Variants in SNAP91 observed in about 807,000 individuals in gnomAD.
SNAP91 encodes clathrin coat assembly protein AP180.
A neutral mutation model predicts 100.3 loss-of-function variants in SNAP91; 27 were observed. That is an observed-to-expected ratio of 0.27 (90% CI 0.20 to 0.37). SNAP91 has a LOEUF of 0.37. Ranked by LOEUF, SNAP91 falls within the 10% of genes least tolerant of loss-of-function variation. The probability of loss-of-function intolerance (pLI) is 1.00; values close to 1 mark genes in which losing one functional copy is unlikely to be tolerated. For synonymous variants in SNAP91, 404 were observed against 398.6 expected (o/e 1.01, Z -0.16); for missense variants, 986 against 1,123.7 (o/e 0.88, Z 1.75).
intron 2 of SNAP91, among the ~76,000 whole-genome samples, chr6:83,701,708 A>G (rs1465936330): frequency 2.6e-5 from 4 of 152,190 alleles, no homozygotes; most frequent in African/African-American, 9.6e-5. Context: ...TTGGACTCCC[A>G]AAGTGCTGGG....
chr6:83,589,959 A>G (rs2093481726), intron 22 of SNAP91, among the ~76,000 whole-genome samples: 2 of 152,174 alleles, frequency 1.3e-5, no homozygotes, highest in African/African-American at 4.8e-5. Context: ...AAAGGGAACT[A>G]TTCATATGCT....
intron 2 of SNAP91, among the ~76,000 whole-genome samples, chr6:83,668,184 G>A (rs1285705563): frequency 6.6e-6 from 1 of 152,040 alleles, no homozygotes. Context: ...GAAACAACAG[G>A]TGCTGGAGAG....
chr6:83,669,694 A>G, intron 2 of SNAP91, among the ~76,000 whole-genome samples: 1 of 151,988 alleles, frequency 6.6e-6, no homozygotes, highest in East Asian at 1.9e-4. Flanking sequence ...CTTTCAGTCA[A>G]TATAAATTAG....
chr6:83,658,916 A>G (rs1405104689), intron 6 of SNAP91, 83 bp downstream of exon 6: 2 of 1,011,380 alleles, frequency 2.0e-6, no homozygotes, highest in Non-Finnish European at 3.0e-6. Flanking sequence ...TTCCCGAGGA[A>G]ATCTTTGGAT....
chr6:83,653,520 G>A (rs962745650), intron 7 of SNAP91, among the ~76,000 whole-genome samples: 7 of 152,046 alleles, frequency 4.6e-5, no homozygotes, highest in Non-Finnish European at 1.0e-4. Flanking sequence ...GTTCTTGCAT[G>A]CTGCCTATTT....
At chr6:83,573,967 T>C (rs1157400224) in intron 26 of SNAP91, among the ~76,000 whole-genome samples, 1 of 152,172 alleles carries the variant, frequency 6.6e-6, no homozygotes, top group African/African-American at 2.4e-5. Flanking sequence ...CTAATTAAAC[T>C]AAAGAGCTTC....
At chr6:83,706,360 TGGTC>T in intron 2 of SNAP91, among the ~76,000 whole-genome samples, 5 of 152,256 alleles carry the variant, frequency 3.3e-5, no homozygotes, top group Admixed American at 3.3e-4. Context: ...CAAAGTGATC[TGGTC>T]ACAAATTTAC....
intron 28 of SNAP91, among the ~76,000 whole-genome samples, chr6:83,557,086 A>C (rs962995812): frequency 6.6e-6 from 1 of 152,170 alleles, no homozygotes; most frequent in African/African-American, 2.4e-5. Context: ...CCAGAATCTA[A>C]ATTATTTTTT....
At chr6:83,589,671 G>A (rs980114643) in intron 22 of SNAP91, among the ~76,000 whole-genome samples, 1 of 152,142 alleles carries the variant, frequency 6.6e-6, no homozygotes, top group Admixed American at 6.5e-5. Flanking sequence ...AAAGACACTA[G>A]AGAACTATTG....
At chr6:83,657,688 C>T (rs535569923) in intron 6 of SNAP91, among the ~76,000 whole-genome samples, 2 of 151,768 alleles carry the variant, frequency 1.3e-5, no homozygotes, top group African/African-American at 4.8e-5. Context: ...AGGCAACTAC[C>T]AAAATACAAA....
chr6:83,674,104 A>T (rs2128857583), intron 2 of SNAP91, among the ~76,000 whole-genome samples: 1 of 152,282 alleles, frequency 6.6e-6, no homozygotes, highest in South Asian at 2.1e-4. Context: ...AAACCCTGGA[A>T]GTACCCTTGC....
At chr6:83,672,315 G>A (rs72905514) in intron 2 of SNAP91, among the ~76,000 whole-genome samples, 9,282 of 152,074 alleles carry the variant, frequency 0.061, 288 homozygotes, top group Middle Eastern at 0.085. Flanking sequence ...TGCAAGTAAG[G>A]CAAAGGACAT....
intron 16 of SNAP91, among the ~76,000 whole-genome samples, chr6:83,596,790 A>C (rs973052718): frequency 6.6e-6 from 1 of 152,170 alleles, no homozygotes; most frequent in Non-Finnish European, 1.5e-5. Flanking sequence ...CTGATGACTA[A>C]AGTTACACAG....
intron 2 of SNAP91, among the ~76,000 whole-genome samples, chr6:83,695,047 G>T (rs535893344): frequency 6.6e-6 from 1 of 151,910 alleles, no homozygotes; most frequent in Non-Finnish European, 1.5e-5. Flanking sequence ...CGAGGTGGGC[G>T]GATCACTTGA....
chr6:83,556,085 G>T, intron 29 of SNAP91, 58 bp downstream of exon 29: 2 of 916,684 alleles, frequency 2.2e-6, no homozygotes, highest in Non-Finnish European at 3.4e-6. Context: ...CTCTGAAATA[G>T]CTAAGCATTG....
intron 24 of SNAP91, among the ~76,000 whole-genome samples, chr6:83,578,058 C>T (rs1014676928): frequency 6.6e-6 from 1 of 152,042 alleles, no homozygotes; most frequent in African/African-American, 2.4e-5. Flanking sequence ...TACTTCATTT[C>T]TTTTTATTGC....
chr6:83,614,974 A>G, intron 10 of SNAP91, 112 bp from the exon 11 acceptor site: 1 of 795,690 alleles, frequency 1.3e-6, no homozygotes, highest in Non-Finnish European at 2.0e-6. Flanking sequence ...ATGTGGTTTT[A>G]GCCAATTCAG....
Position 83,556,164 on chromosome 6 carries a change from C to T in SNAP91, c.2713G>A (p.Asp905Asn), listed in dbSNP as rs779182545. 1 of 1,559,856 alleles carries T rather than the reference C, an allele frequency of 6.4e-7. No homozygotes were observed. Among genetic ancestry groups the T allele is most frequent in the South Asian group, 1.2e-5 (1 of 84,662 alleles). Residue 905 changes from aspartate to asparagine, a missense_variant, in exon 29 of 30, where the codon GAT (aspartate) becomes AAT (asparagine). Physicochemically the swap from Asp to Asn is conservative, Grantham distance 23. Coordinates refer to ENST00000369694, the MANE Select transcript of SNAP91 (RefSeq NM_001242792.2). ...ATACCTTAAATTGTTTACAAGAAATCCTTGATGTTAAGATCCGCTAATGGG... is the reference window on the plus strand; with the variant it reads ...ATACCTTAAATTGTTTACAAGAAATTCTTGATGTTAAGATCCGCTAATGGG... ...KDPLADLNIK[D>N]FL
chr6:83,706,508 C>G (rs991113418), intron 2 of SNAP91, among the ~76,000 whole-genome samples: 1 of 152,242 alleles, frequency 6.6e-6, no homozygotes, highest in African/African-American at 2.4e-5. Context: ...ACTTTCCCCT[C>G]CGATGAGCTT....
Sources: gnomAD v4.1 joint callset for allele counts (sites outside exome capture counted in the v4.1 genomes callset) on GRCh38, gnomAD v4.1.1 for gene constraint, MANE v1.5 for transcripts, NCBI Gene and HGNC (gene_info 2026-07-23, HGNC 2026-07-21) for gene names.